The following GRIK4 variants were observed in gnomAD, a reference collection of about 807,000 sequenced individuals.
GRIK4 encodes glutamate receptor ionotropic, kainate 4.
A neutral mutation model predicts 104.9 loss-of-function variants in GRIK4; 40 were observed. That is an observed-to-expected ratio of 0.38 (90% confidence interval 0.30 to 0.50). The LOEUF (loss-of-function observed/expected upper bound fraction) is 0.50. Ranked by LOEUF, GRIK4 falls within the 20% of genes least tolerant of loss-of-function variation. The probability of loss-of-function intolerance (pLI) is 0.93; values close to 1 mark genes in which losing one functional copy is unlikely to be tolerated. For synonymous variants in GRIK4, 485 were observed against 524.9 expected (o/e 0.92, Z 1.04); for missense variants, 1,047 against 1,308.1 (o/e 0.80, Z 3.08).
intron 1 of GRIK4, among the ~76,000 whole-genome samples, chr11:120,622,209 AT>A: frequency 6.6e-6 from 1 of 151,320 alleles, no homozygotes; most frequent in South Asian, 2.1e-4. Flanking sequence ...CCTTATTATT[AT>A]TTTTAACTGT....
intron 8 of GRIK4, among the ~76,000 whole-genome samples, chr11:120,853,316 G>A (rs1422025788): frequency 6.6e-6 from 1 of 152,146 alleles, no homozygotes; most frequent in Non-Finnish European, 1.5e-5. Context: ...CGGTGAGGGG[G>A]AAGTTCATGA....
At chr11:120,764,515 G>A (rs530910796) in intron 3 of GRIK4, among the ~76,000 whole-genome samples, 21 of 152,228 alleles carry the variant, frequency 1.4e-4, no homozygotes, top group African/African-American at 4.8e-4. Context: ...TTGCCCATTA[G>A]TTGATGCAGT....
chr11:120,844,823 G>A (rs1041891002), intron 8 of GRIK4, among the ~76,000 whole-genome samples: 1 of 152,216 alleles, frequency 6.6e-6, no homozygotes, highest in African/African-American at 2.4e-5. Context: ...CACAATTTCA[G>A]GGGTTCTGCT....
At chr11:120,734,135 T>A (rs1951185093) in intron 3 of GRIK4, among the ~76,000 whole-genome samples, 1 of 152,238 alleles carries the variant, frequency 6.6e-6, no homozygotes, top group Non-Finnish European at 1.5e-5. Context: ...CAGTCAGTTT[T>A]GCACCTTCAG....
At chr11:120,742,557 G>A (rs953452690) in intron 3 of GRIK4, among the ~76,000 whole-genome samples, 15 of 147,570 alleles carry the variant, frequency 1.0e-4, no homozygotes, top group East Asian at 3.9e-4. Context: ...TTGCTCTTTC[G>A]CCCAGGCCGG....
intron 13 of GRIK4, among the ~76,000 whole-genome samples, chr11:120,915,347 C>A (rs1290018349): frequency 6.6e-6 from 1 of 152,216 alleles, no homozygotes; most frequent in Non-Finnish European, 1.5e-5. Flanking sequence ...AGTCCTTTCA[C>A]TCACCTGAGA....
intron 1 of GRIK4, chr11:120,620,404 C>T (rs1316812): frequency 0.25 from 127,692 of 514,734 alleles, 18,903 homozygotes; most frequent in Non-Finnish European, 0.3. Context: ...CCCGTAGCTA[C>T]CATAACCCAG....
intron 9 of GRIK4, among the ~76,000 whole-genome samples, chr11:120,867,188 G>A (rs1056122764): frequency 6.6e-5 from 10 of 152,050 alleles, no homozygotes; most frequent in African/African-American, 1.7e-4. Flanking sequence ...GGAAGCTCAC[G>A]GCAGCGACAA....
At chr11:120,841,767 A>G (rs1464037760) in intron 8 of GRIK4, among the ~76,000 whole-genome samples, 2 of 152,216 alleles carry the variant, frequency 1.3e-5, no homozygotes, top group Non-Finnish European at 2.9e-5. Flanking sequence ...TGCAACCTTG[A>G]CAATACTTGC....
intron 3 of GRIK4, among the ~76,000 whole-genome samples, chr11:120,671,169 C>T (rs1950011091): frequency 6.6e-6 from 1 of 152,064 alleles, no homozygotes; most frequent in Admixed American, 6.5e-5. Flanking sequence ...ACTTACGTGT[C>T]CATATGTCTT....
At chr11:120,593,964 C>G (rs574661376) in intron 1 of GRIK4, among the ~76,000 whole-genome samples, 11 of 152,318 alleles carry the variant, frequency 7.2e-5, no homozygotes, top group African/African-American at 2.6e-4. Flanking sequence ...ATACCCTTCT[C>G]TCTCTCCACT....
intron 1 of GRIK4, among the ~76,000 whole-genome samples, chr11:120,557,782 C>T (rs529277639): frequency 1.3e-5 from 2 of 151,932 alleles, no homozygotes; most frequent in East Asian, 1.9e-4. Context: ...TTTGGGAGGC[C>T]GAGGCAGGCG....
intron 1 of GRIK4, among the ~76,000 whole-genome samples, chr11:120,547,385 C>T (rs61561729): frequency 0.012 from 1,867 of 152,254 alleles, 31 homozygotes; most frequent in East Asian, 0.068. Flanking sequence ...TCTGCACGAG[C>T]GGAGTACAGA....
intron 8 of GRIK4, among the ~76,000 whole-genome samples, chr11:120,838,550 A>G (rs1953636028): frequency 6.6e-6 from 1 of 152,220 alleles, no homozygotes; most frequent in Non-Finnish European, 1.5e-5. Flanking sequence ...GATGAAAAGT[A>G]ACTGTATAAA....
intron 13 of GRIK4, among the ~76,000 whole-genome samples, chr11:120,918,163 G>T (rs1943150690): frequency 6.6e-6 from 1 of 152,170 alleles, no homozygotes; most frequent in African/African-American, 2.4e-5. Context: ...AGCACGCAGG[G>T]ACCAAGCCTC....
At chr11:120,677,243 A>C (rs10736503) in intron 3 of GRIK4, among the ~76,000 whole-genome samples, 87,090 of 151,992 alleles carry the variant, frequency 0.57, 26,197 homozygotes, top group African/African-American at 0.76. Context: ...GAGTAGCCTG[A>C]GAGCTGAGTG....
At chr11:120,601,647 G>GT (rs779169082) in intron 1 of GRIK4, among the ~76,000 whole-genome samples, 26,923 of 125,136 alleles carry the variant, frequency 0.22, 3,346 homozygotes, top group Non-Finnish European at 0.26. Flanking sequence ...TGTGTGTGTG[G>GT]TTTTTTTTTT....
In GRIK4 at chr11:120,516,987, G is replaced by A. The variant is rs546087164; in HGVS notation, c.-159+5100G>A. Among the ~76,000 whole-genome samples the A allele has an allele frequency of 8.5e-5, 11 of 128,828 alleles. No individual in the cohort carries two copies. The South Asian group carries it at 2.3e-3, about 27-fold the overall frequency. The allele number at this position is 128,828 out of a possible 152,430, so 84.5% of individuals were successfully genotyped here. On this transcript the variant is annotated intron_variant, in intron 1 of 20. Coordinates refer to ENST00000527524, the MANE Select transcript of GRIK4 (RefSeq NM_014619.5). ...GAACAGGCCTGGGGCGCGTGCTGCCGGGGGCCAGCTTAAGGCATCTCGCGT... is the reference window on the plus strand; with the variant it reads ...GAACAGGCCTGGGGCGCGTGCTGCCAGGGGCCAGCTTAAGGCATCTCGCGT...
At chr11:120,546,758 C>G (rs1277469814) in intron 1 of GRIK4, among the ~76,000 whole-genome samples, 1 of 152,156 alleles carries the variant, frequency 6.6e-6, no homozygotes, top group South Asian at 2.1e-4. Flanking sequence ...ACACATGCTC[C>G]GCCCACCTCC....
Sources: allele counts gnomAD v4.1 joint callset (sites outside exome capture counted in the v4.1 genomes callset), GRCh38; gene constraint gnomAD v4.1.1; transcripts MANE v1.5; gene names NCBI Gene and HGNC (gene_info 2026-07-23, HGNC 2026-07-21).